Variants in C12orf42 observed in about 807,000 individuals in gnomAD.
The protein encoded by C12orf42 is chromosome 12 open reading frame 42.
Under a neutral mutation model 21.6 loss-of-function variants are expected in C12orf42, and 25 were observed. That is an observed-to-expected ratio of 1.16 (90% CI 0.84 to 1.62). C12orf42 has a LOEUF of 1.62. C12orf42 is among the 40% of genes most tolerant of loss of function. C12orf42 has a pLI of 0.00. For synonymous variants in C12orf42, 174 were observed against 175.0 expected, an observed-to-expected ratio of 0.99 and a Z score of 0.05; for missense variants, 483 against 459.3, an observed-to-expected ratio of 1.05 and a Z score of -0.47.
the C12orf42 span, among the ~76,000 whole-genome samples, chr12:103,162,407 G>A: frequency 6.6e-6 from 1 of 152,048 alleles, no homozygotes; most frequent in African/African-American, 2.4e-5. Context: ...ACTTTGCAAG[G>A]TTGGCTGGGG....
the C12orf42 span, among the ~76,000 whole-genome samples, chr12:103,192,502 C>CA: frequency 0.38 from 39,267 of 104,180 alleles, 6,455 homozygotes; most frequent in Non-Finnish European, 0.44. Flanking sequence ...GACTCCATCT[C>CA]AAAAAAAAAA....
the C12orf42 span, among the ~76,000 whole-genome samples, chr12:103,202,331 C>A: frequency 0.019 from 2,906 of 152,238 alleles, 34 homozygotes; most frequent in East Asian, 0.028. Context: ...CCTTTTGAGA[C>A]CCATTTACTC....
At chr12:103,329,379 G>A (rs1006803457) in intron 4 of C12orf42, among the ~76,000 whole-genome samples, 5 of 152,044 alleles carry the variant, frequency 3.3e-5, no homozygotes, top group South Asian at 2.1e-4. Context: ...AGGTCCTGTC[G>A]GTGGGTGGAG....
intron 10 of C12orf42, among the ~76,000 whole-genome samples, chr12:103,240,308 C>T (rs117154117): frequency 2.2e-3 from 334 of 152,212 alleles, no homozygotes; most frequent in Middle Eastern, 3.4e-3. Flanking sequence ...GTAGATAAGA[C>T]GATAAGACCA....
chr12:103,077,260 C>T, the C12orf42 span, among the ~76,000 whole-genome samples: 1 of 152,116 alleles, frequency 6.6e-6, no homozygotes, highest in African/African-American at 2.4e-5. Flanking sequence ...ATGTAGAAAA[C>T]ATCCATTAAG....
the C12orf42 span, among the ~76,000 whole-genome samples, chr12:103,116,407 T>C: frequency 6.8e-6 from 1 of 147,730 alleles, no homozygotes; most frequent in South Asian, 2.1e-4. Context: ...TATGTATACA[T>C]ATACATATAT....
At chr12:103,540,478 T>C in the C12orf42 span, among the ~76,000 whole-genome samples, 35 of 152,338 alleles carry the variant, frequency 2.3e-4, no homozygotes, top group African/African-American at 7.9e-4. Flanking sequence ...TGAGGGTATG[T>C]TGCTAGGCGA....
the C12orf42 span, among the ~76,000 whole-genome samples, chr12:103,535,207 C>T: frequency 1.3e-5 from 2 of 152,042 alleles, no homozygotes; most frequent in African/African-American, 4.8e-5. Flanking sequence ...TGGTACAGTT[C>T]ACATAATAAA....
At chr12:103,275,467 C>T (rs11837851) in intron 5 of C12orf42, among the ~76,000 whole-genome samples, 11,157 of 152,094 alleles carry the variant, frequency 0.073, 1,093 homozygotes, top group African/African-American at 0.23. Flanking sequence ...TCTCTCTCCC[C>T]TCCAAAAACT....
the C12orf42 span, among the ~76,000 whole-genome samples, chr12:103,220,110 G>C: frequency 1.3e-5 from 2 of 152,130 alleles, no homozygotes; most frequent in South Asian, 4.1e-4. Flanking sequence ...GTCCTTTGCA[G>C]GGACATGGAT....
chr12:103,120,642 AT>A, the C12orf42 span, among the ~76,000 whole-genome samples: 1 of 151,704 alleles, frequency 6.6e-6, no homozygotes, highest in African/African-American at 2.4e-5. Context: ...ATCATGGGGT[AT>A]TTGTGAGAAT....
the C12orf42 span, among the ~76,000 whole-genome samples, chr12:103,193,285 G>T: frequency 6.6e-6 from 1 of 150,558 alleles, no homozygotes; most frequent in Admixed American, 6.6e-5. Context: ...TTAAAAAAAA[G>T]AGAGAAACTC....
chr12:103,529,664 A>G, the C12orf42 span, among the ~76,000 whole-genome samples: 243 of 152,308 alleles, frequency 1.6e-3, 1 homozygote, highest in Middle Eastern at 3.4e-3. Flanking sequence ...GTTACAGGGT[A>G]TGAGTTCTGC....
chr12:103,385,517 C>T (rs2046533957), intron 3 of C12orf42, among the ~76,000 whole-genome samples: 2 of 152,110 alleles, frequency 1.3e-5, no homozygotes, highest in South Asian at 4.1e-4. Flanking sequence ...AAAAGTAACC[C>T]ATTAGTAGCA....
the C12orf42 span, among the ~76,000 whole-genome samples, chr12:103,217,053 G>T: frequency 1.3e-5 from 2 of 152,002 alleles, no homozygotes; most frequent in South Asian, 4.1e-4. Flanking sequence ...GTGTTGGCGA[G>T]GGTTGTCTCA....
chr12:103,519,780 C>T, the C12orf42 span, among the ~76,000 whole-genome samples: 15 of 152,160 alleles, frequency 9.9e-5, no homozygotes, highest in Non-Finnish European at 2.9e-5. Context: ...CAGCCACCCA[C>T]ATACATCTCC....
chr12:103,547,240 T>C, the C12orf42 span, among the ~76,000 whole-genome samples: 4 of 152,226 alleles, frequency 2.6e-5, no homozygotes, highest in Non-Finnish European at 5.9e-5. Flanking sequence ...TTAAACTAAA[T>C]AAAGATTAAA....
rs542095409 is a variant in C12orf42, at chr12:103,494,499, T to C, written c.-22+1403A>G. On this transcript the variant is annotated intron_variant, in intron 1 of 5. Transcript: ENST00000548883. Reference sequence around the variant, plus strand: ...CCTTTATTGGCATTTTTTTATCTACTGTAAAATAAAAAGGAGGAGGATGGG... The same window carrying C: ...CCTTTATTGGCATTTTTTTATCTACCGTAAAATAAAAAGGAGGAGGATGGG... 7.3e-4 allele frequency among the ~76,000 whole-genome samples: 111 copies of C among 152,152 alleles called. 1 individual carries two copies. Among genetic ancestry groups the C allele is most frequent in the Middle Eastern group, 6.8e-3 (2 of 294 alleles).
chr12:103,135,427 A>C, the C12orf42 span, among the ~76,000 whole-genome samples: 3 of 151,900 alleles, frequency 2.0e-5, no homozygotes, highest in South Asian at 4.2e-4. Flanking sequence ...ACTCCACTCC[A>C]ATGTAGGCAA....
Sources: allele counts gnomAD v4.1 joint callset (sites outside exome capture counted in the v4.1 genomes callset), GRCh38; gene constraint gnomAD v4.1.1; transcripts MANE v1.5; gene names NCBI Gene and HGNC (gene_info 2026-07-23, HGNC 2026-07-21).